Variants in WDFY4 observed in about 807,000 individuals in gnomAD.
WDFY4 encodes the protein WDFY family member 4, also known as WD repeat- and FYVE domain-containing protein 4.
In WDFY4, 169 loss-of-function variants were observed where a neutral mutation model predicts 351.9. That is an observed-to-expected ratio of 0.48 (90% CI 0.42 to 0.55). The LOEUF is 0.55. Ranked by LOEUF, WDFY4 falls within the 20% of genes least tolerant of loss-of-function variation. The pLI, the probability that WDFY4 is intolerant of heterozygous loss-of-function variation, is 0.00. For missense variants in WDFY4, 3,803 were observed against 3,935.6 expected (o/e 0.97, Z 0.90); for synonymous variants, 1,622 against 1,574.6 (o/e 1.03, Z -0.71).
At chr10:48,841,627 G>A (rs1225187911) in intron 39 of WDFY4, among the ~76,000 whole-genome samples, 1 of 152,190 alleles carries the variant, frequency 6.6e-6, no homozygotes, top group Non-Finnish European at 1.5e-5. Flanking sequence ...TTAGTTGTAA[G>A]CTCACATTTT....
intron 53 of WDFY4, among the ~76,000 whole-genome samples, chr10:48,962,257 C>A (rs748680668): frequency 6.6e-6 from 1 of 152,174 alleles, no homozygotes; most frequent in East Asian, 1.9e-4. Flanking sequence ...CATTACCCCT[C>A]GTATGACATG....
In WDFY4 at chr10:48,867,319, T is replaced by G; in HGVS notation, c.6718T>G (p.Ser2240Ala). The change falls in exon 40 of 62, where the codon TCT (serine) becomes GCT (alanine). Residue 2240 changes from serine to alanine, a missense_variant. Physicochemically the swap from Ser to Ala is moderately conservative, Grantham distance 99 (BLOSUM62 1). Around this residue, in one of 3 missense-constraint regions of WDFY4, gnomAD observed 3,054 missense variants for 3,148.6 expected, o/e 0.97. Coordinates refer to ENST00000325239, the MANE Select transcript of WDFY4 (RefSeq NM_001394531.1). ...AAGAAGAGGACAAGAGCTATATGCA[T>G]CTTTATACAAAGACCATGTGCAAGT... ...YRRRGQELYASLYKDHVQRRK... is the reference protein window; with the variant it reads ...YRRRGQELYAALYKDHVQRRK... 6.6e-7 allele frequency: 1 copy of G among 1,505,188 alleles called. No homozygotes were observed. The highest frequency in any genetic ancestry group is 2.6e-5 in the East Asian group (1 of 39,036). The allele number at this position is 1,505,188 out of a possible 1,614,324, so 93.2% of individuals were successfully genotyped here.
At chr10:48,925,210 C>T (rs1839469013) in intron 47 of WDFY4, among the ~76,000 whole-genome samples, 1 of 152,350 alleles carries the variant, frequency 6.6e-6, no homozygotes, top group African/African-American at 2.4e-5. Context: ...CAGGCCAGCT[C>T]ACCTAACTGT....
rs931047268 is a variant in WDFY4, at chr10:48,729,415, C to T, written c.972-17C>T. 1 of 1,550,118 alleles carries T rather than the reference C, an allele frequency of 6.5e-7. No homozygotes were observed. The highest frequency in any genetic ancestry group is 2.4e-5 in the East Asian group (1 of 40,924). ...CATCTAGGAAGTACAGGGAGCTGGC[C>T]TCATCTGTTCCCCCAGGTATGATGG... is the stretch of plus-strand genomic sequence containing the variant. On this transcript the variant is annotated splice_polypyrimidine_tract_variant and intron_variant, in intron 7 of 61. Transcript: ENST00000325239.
At chr10:48,785,936 C>T (rs933721601) in intron 19 of WDFY4, among the ~76,000 whole-genome samples, 4 of 152,138 alleles carry the variant, frequency 2.6e-5, no homozygotes, top group African/African-American at 9.7e-5. Flanking sequence ...CTGATCAACT[C>T]GAGGGGAAAT....
intron 47 of WDFY4, among the ~76,000 whole-genome samples, chr10:48,931,442 C>T (rs2940725): frequency 0.19 from 29,486 of 152,122 alleles, 3,214 homozygotes; most frequent in Non-Finnish European, 0.25. Context: ...GCCAGCCCAC[C>T]CTCAGCCAGC....
chr10:48,933,509 CTCA>C (rs1484795580), intron 47 of WDFY4, among the ~76,000 whole-genome samples: 2 of 152,208 alleles, frequency 1.3e-5, no homozygotes, highest in Non-Finnish European at 2.9e-5. Flanking sequence ...AAGCTCCTGA[CTCA>C]TCATGTTCTG....
At chr10:48,970,811 T>A (rs1842306260) in intron 57 of WDFY4, among the ~76,000 whole-genome samples, 1 of 152,038 alleles carries the variant, frequency 6.6e-6, no homozygotes, top group Non-Finnish European at 1.5e-5. Context: ...ACATCCAAGG[T>A]CAAATGAAAG....
At chr10:48,793,247 T>C (rs563993323) in intron 23 of WDFY4, among the ~76,000 whole-genome samples, 7 of 152,280 alleles carry the variant, frequency 4.6e-5, no homozygotes, top group African/African-American at 1.4e-4. Context: ...AAAATACTGT[T>C]AGCATGAGGG....
At chr10:48,715,358 G>A (rs979105674) in intron 2 of WDFY4, among the ~76,000 whole-genome samples, 1 of 152,238 alleles carries the variant, frequency 6.6e-6, no homozygotes, top group Non-Finnish European at 1.5e-5. Context: ...TGGAAAAGTG[G>A]GTAACATAAG....
Position 48,743,402 on chromosome 10 carries a change from C to T in WDFY4, c.2313C>T (p.Asp771=). Residue 771 remains aspartate, a synonymous_variant, in exon 12 of 62, where the codon GAC becomes GAT. Coordinates refer to ENST00000325239, the MANE Select transcript of WDFY4 (RefSeq NM_001394531.1). The part of the protein sequence containing the change: ...QSCLQILGFL[D]SMASGTLHLR... ...GCCTCCAGATCCTTGGCTTTCTGGA[C>T]AGCATGGCCAGCGGCACCCTCCACT... is the stretch of plus-strand genomic sequence containing the variant. 4 of 1,551,638 alleles carry T rather than the reference C, an allele frequency of 2.6e-6. No individual in the cohort carries two copies. Among genetic ancestry groups the T allele is most frequent in the South Asian group, 2.4e-5 (2 of 84,062 alleles).
chr10:48,935,852 C>A (rs1840323824), intron 47 of WDFY4, among the ~76,000 whole-genome samples: 2 of 151,488 alleles, frequency 1.3e-5, no homozygotes, highest in Non-Finnish European at 2.9e-5. Flanking sequence ...CTGTTTCCAG[C>A]CTGGCATTAT....
In WDFY4 at chr10:48,779,970, C is replaced by T; in HGVS notation, c.3427C>T (p.Pro1143Ser). 6.4e-7 allele frequency: 1 copy of T among 1,551,774 alleles called. No homozygotes were observed. Among genetic ancestry groups the T allele is most frequent in the Non-Finnish European group, 8.7e-7 (1 of 1,146,998 alleles). The change falls in exon 19 of 62, where the codon CCT (proline) becomes TCT (serine). Residue 1143 changes from proline (P) to serine (S), a missense_variant. Around this residue, in one of 3 missense-constraint regions of WDFY4, gnomAD observed 3,054 missense variants for 3,148.6 expected, o/e 0.97. Coordinates refer to ENST00000325239, the MANE Select transcript of WDFY4 (RefSeq NM_001394531.1). ...DVMEPEDDSE[P>S]SAGCQLQVRC... ...CATGGAACCTGAGGATGACTCCGAGCCTTCTGCAGGATGCCAGCTTCAGGT... is the reference window on the plus strand; with the variant it reads ...CATGGAACCTGAGGATGACTCCGAGTCTTCTGCAGGATGCCAGCTTCAGGT...
chr10:48,807,773 G>A (rs193046772), intron 27 of WDFY4, 86 bp from the exon 28 acceptor site: 2 of 1,439,802 alleles, frequency 1.4e-6, no homozygotes, highest in African/African-American at 1.4e-5. Flanking sequence ...GGTGAAATAA[G>A]CATTTGGTGA....
Position 48,982,877 on chromosome 10 carries a change from T to TAAA in WDFY4, c.*302_*303insAAA. On this transcript the variant is annotated 3_prime_UTR_variant, in exon 62 of 62. Transcript: ENST00000325239. ...CTCACCTTATTAAGGGCTATTGCAC[T>TAAA]GAAAAAAAAAAAGATGGGTCGCTTA... is the stretch of plus-strand genomic sequence containing the variant. 3 of 240,994 alleles carry TAAA rather than the reference T, an allele frequency of 1.2e-5. No individual in the cohort carries two copies. The highest frequency in any genetic ancestry group is 7.5e-5 in the Admixed American group (1 of 13,356). 14.9% of individuals were successfully genotyped at this position (240,994 alleles called of 1,614,324 possible). A position where few individuals can be genotyped will look rare whatever the true frequency, so the allele number is the denominator to read the frequency against.
chr10:48,982,104 G>C (rs897044413), intron 61 of WDFY4, among the ~76,000 whole-genome samples: 2 of 152,230 alleles, frequency 1.3e-5, no homozygotes, highest in Non-Finnish European at 2.9e-5. Context: ...TTTAGATGCT[G>C]GGTGGGGCGG....
At chr10:48,935,546 T>C (rs10776658) in intron 47 of WDFY4, among the ~76,000 whole-genome samples, 61,363 of 152,222 alleles carry the variant, frequency 0.4, 14,202 homozygotes, top group Non-Finnish European at 0.52. Flanking sequence ...ATAGCATTCA[T>C]GAAACATCAC....
At chr10:48,847,461 C>G (rs2068815193) in intron 39 of WDFY4, among the ~76,000 whole-genome samples, 1 of 152,190 alleles carries the variant, frequency 6.6e-6, no homozygotes, top group Non-Finnish European at 1.5e-5. Context: ...TGGGCTGAAA[C>G]TCCTCTGACC....
At chr10:48,846,630 G>A (rs965000608) in intron 39 of WDFY4, among the ~76,000 whole-genome samples, 1 of 152,242 alleles carries the variant, frequency 6.6e-6, no homozygotes, top group Non-Finnish European at 1.5e-5. Flanking sequence ...CAGCCTAAAG[G>A]AGGGAGAAAT....
Sources: allele counts gnomAD v4.1 joint callset (sites outside exome capture counted in the v4.1 genomes callset), GRCh38; gene constraint gnomAD v4.1.1; regional missense constraint gnomAD v4.1.1; transcripts MANE v1.5; gene names NCBI Gene and HGNC (gene_info 2026-07-23, HGNC 2026-07-21).